The following INSL6 variants were observed in gnomAD, a reference collection of about 807,000 sequenced individuals.
INSL6 encodes the protein insulin-like peptide INSL6.
A neutral mutation model predicts 9.4 loss-of-function variants in INSL6; 16 were observed. The observed-to-expected ratio is 1.70, with a 90% CI of 1.15 to 2.59. The LOEUF (loss-of-function observed/expected upper bound fraction) is 2.59. Ranked by LOEUF, INSL6 falls within the 30% of genes most tolerant of loss-of-function variation. The pLI, the probability that INSL6 is intolerant of heterozygous loss-of-function variation, is 0.00. For synonymous variants in INSL6, 154 were observed against 96.9 expected (o/e 1.59, Z -3.46); for missense variants, 391 against 257.3 (o/e 1.52, Z -3.56).
At chr9:5,107,073 C>T in the INSL6 span, among the ~76,000 whole-genome samples, 1 of 152,090 alleles carries the variant, frequency 6.6e-6, no homozygotes, top group African/African-American at 2.4e-5. Context: ...AGCACTTTGG[C>T]TTTGAAGCCA....
chr9:5,061,502 A>G, the INSL6 span, among the ~76,000 whole-genome samples: 20 of 152,158 alleles, frequency 1.3e-4, no homozygotes, highest in South Asian at 2.1e-4. Context: ...CTTAAACCTC[A>G]TGAACCAACC....
intron 3 of INSL6, among the ~76,000 whole-genome samples, chr9:5,125,214 A>T (rs192982881): frequency 2.6e-5 from 4 of 151,292 alleles, no homozygotes; most frequent in South Asian, 4.2e-4. Context: ...ATATACAAAG[A>T]AGTATATAAA....
chr9:5,070,777 A>T, the INSL6 span, among the ~76,000 whole-genome samples: 1 of 152,196 alleles, frequency 6.6e-6, no homozygotes, highest in Middle Eastern at 3.4e-3. Context: ...TCAAGGGTCA[A>T]CTGTAGTACA....
chr9:5,020,542 G>A, the INSL6 span, among the ~76,000 whole-genome samples: 1 of 152,276 alleles, frequency 6.6e-6, no homozygotes, highest in African/African-American at 2.4e-5. Context: ...TGCTGTCAGT[G>A]GGAGCAGTTG....
At chr9:5,110,740 A>AT in the INSL6 span, 1 of 363,946 alleles carries the variant, frequency 2.7e-6, no homozygotes. Flanking sequence ...TACCCGTGTT[A>AT]TTTTCTTTGC....
At chr9:5,143,198 C>T (rs1824536007) in intron 2 of INSL6, among the ~76,000 whole-genome samples, 1 of 151,156 alleles carries the variant, frequency 6.6e-6, no homozygotes, top group Admixed American at 6.6e-5. Flanking sequence ...TGATGCTGAC[C>T]TCATAGAATG....
chr9:5,153,505 A>G (rs1235248631), intron 2 of INSL6, among the ~76,000 whole-genome samples: 3 of 152,166 alleles, frequency 2.0e-5, no homozygotes, highest in African/African-American at 4.8e-5. Flanking sequence ...AAAGAAATAA[A>G]AGGTATTCAA....
At chr9:5,041,502 G>C in the INSL6 span, 3 of 576,476 alleles carry the variant, frequency 5.2e-6, no homozygotes, top group South Asian at 4.5e-5. Context: ...GAAGATCGGG[G>C]ACACATAGCG....
At chr9:5,095,237 T>G in the INSL6 span, among the ~76,000 whole-genome samples, 1 of 151,664 alleles carries the variant, frequency 6.6e-6, no homozygotes, top group Non-Finnish European at 1.5e-5. Context: ...ATTAATCCAT[T>G]AGCTCAACTT....
chr9:5,143,378 C>G (rs1485740758), intron 2 of INSL6, among the ~76,000 whole-genome samples: 1 of 151,674 alleles, frequency 6.6e-6, no homozygotes, highest in Non-Finnish European at 1.5e-5. Context: ...TGTTAGTGGT[C>G]TATTCAGGGA....
the INSL6 span, among the ~76,000 whole-genome samples, chr9:5,047,758 G>A: frequency 2.0e-5 from 3 of 152,066 alleles, no homozygotes; most frequent in Non-Finnish European, 2.9e-5. Flanking sequence ...ACTATGCCTG[G>A]CTAATTTTTT....
At chr9:4,998,054 A>G in the INSL6 span, among the ~76,000 whole-genome samples, 1 of 152,180 alleles carries the variant, frequency 6.6e-6, no homozygotes, top group African/African-American at 2.4e-5. Flanking sequence ...GATTTAAACA[A>G]CTTCTAGATT....
the INSL6 span, among the ~76,000 whole-genome samples, chr9:5,030,240 G>A: frequency 6.6e-6 from 1 of 152,086 alleles, no homozygotes; most frequent in Non-Finnish European, 1.5e-5. Context: ...AGCGTTTTGT[G>A]CAATAGAATG....
At chr9:5,110,843 G>C in the INSL6 span, 17 of 467,550 alleles carry the variant, frequency 3.6e-5, no homozygotes, top group African/African-American at 3.0e-4. Flanking sequence ...GGGGAAGGTG[G>C]GGGGGACGCT....
At chr9:5,168,928 T>TA (rs1491270957) in intron 1 of INSL6, among the ~76,000 whole-genome samples, 1 of 47,580 alleles carries the variant, frequency 2.1e-5, no homozygotes, top group Non-Finnish European at 3.6e-5. Context: ...ATTTATTTGA[T>TA]TTTTTTTTTT....
intron 2 of INSL6, among the ~76,000 whole-genome samples, chr9:5,157,722 G>T (rs1045071084): frequency 6.6e-5 from 10 of 152,122 alleles, no homozygotes; most frequent in African/African-American, 2.4e-4. Flanking sequence ...TCCCAAGACG[G>T]ACTGGTACAA....
intron 2 of INSL6, among the ~76,000 whole-genome samples, chr9:5,150,657 T>C (rs1824692442): frequency 1.3e-5 from 2 of 152,174 alleles, no homozygotes; most frequent in African/African-American, 4.8e-5. Context: ...TAAAATAGTA[T>C]GAAGACTTCC....
At chr9:4,998,483 C>T in the INSL6 span, among the ~76,000 whole-genome samples, 30 of 152,186 alleles carry the variant, frequency 2.0e-4, no homozygotes, top group Non-Finnish European at 1.9e-4. Flanking sequence ...TCTCGAACTC[C>T]TGACCTCGTG....
At chr9:5,153,839 A>G (rs1025160743) in intron 2 of INSL6, among the ~76,000 whole-genome samples, 1 of 152,238 alleles carries the variant, frequency 6.6e-6, no homozygotes, top group African/African-American at 2.4e-5. Flanking sequence ...AAACAAATGG[A>G]AAAACATTCC....
Sources: gnomAD v4.1 joint callset for allele counts (sites outside exome capture counted in the v4.1 genomes callset) on GRCh38, gnomAD v4.1.1 for gene constraint, MANE v1.5 for transcripts, NCBI Gene and HGNC (gene_info 2026-07-23, HGNC 2026-07-21) for gene names.